The following RERE variants were observed in gnomAD, a reference collection of about 807,000 sequenced individuals.
RERE encodes the protein arginine-glutamic acid dipeptide repeats, also known as arginine-glutamic acid dipeptide repeats protein.
A neutral mutation model predicts 146.1 loss-of-function variants in RERE; 40 were observed. That is an observed-to-expected ratio of 0.27 (90% confidence interval 0.21 to 0.36). The LOEUF is 0.36. RERE is among the 10% of genes least tolerant of loss of function. The probability of loss-of-function intolerance (pLI) is 1.00; values close to 1 mark genes in which losing one functional copy is unlikely to be tolerated. For synonymous variants in RERE, 1,003 were observed against 866.0 expected (o/e 1.16, Z -2.78); for missense variants, 1,933 against 2,138.7 (o/e 0.90, Z 1.90).
intron 12 of RERE, among the ~76,000 whole-genome samples, chr1:8,402,275 G>A (rs1643288538): frequency 6.6e-6 from 1 of 152,198 alleles, no homozygotes; most frequent in African/African-American, 2.4e-5. Context: ...AGGTACGCCA[G>A]GTTTCCATCC....
intron 11 of RERE, among the ~76,000 whole-genome samples, chr1:8,462,831 C>G (rs1037570328): frequency 6.6e-6 from 1 of 152,110 alleles, no homozygotes; most frequent in African/African-American, 2.4e-5. Context: ...TTGAGCCCAA[C>G]AGTTTGAGTC....
chr1:8,669,189 A>C (rs1286420473), intron 1 of RERE, among the ~76,000 whole-genome samples: 1 of 151,210 alleles, frequency 6.6e-6, no homozygotes, highest in Non-Finnish European at 1.5e-5. Context: ...ACCCCCCCCA[A>C]CTCGGCCTCT....
intron 4 of RERE, among the ~76,000 whole-genome samples, chr1:8,563,414 C>T (rs1031529288): frequency 5.3e-5 from 8 of 152,286 alleles, no homozygotes; most frequent in African/African-American, 1.7e-4. Context: ...AATTCACCTA[C>T]GATACAGAGG....
intron 4 of RERE, among the ~76,000 whole-genome samples, chr1:8,580,362 T>C (rs1251816244): frequency 3.3e-5 from 5 of 152,258 alleles, no homozygotes; most frequent in African/African-American, 9.6e-5. Flanking sequence ...ACTGGAACTC[T>C]GAACGTGCTA....
At chr1:8,789,633 C>T (rs1156350616) in intron 1 of RERE, among the ~76,000 whole-genome samples, 1 of 152,136 alleles carries the variant, frequency 6.6e-6, no homozygotes, top group African/African-American at 2.4e-5. Context: ...CAGGTGCCAA[C>T]AGACACTCCG....
intron 1 of RERE, among the ~76,000 whole-genome samples, chr1:8,783,894 G>A (rs990883635): frequency 2.6e-5 from 4 of 152,088 alleles, no homozygotes; most frequent in Non-Finnish European, 5.9e-5. Flanking sequence ...AGTTCCTGGG[G>A]ACTGCCACCA....
chr1:8,742,390 C>T (rs567462404), intron 1 of RERE, among the ~76,000 whole-genome samples: 8 of 152,240 alleles, frequency 5.3e-5, no homozygotes, highest in East Asian at 3.9e-4. Flanking sequence ...AGAGCTGAAT[C>T]GGTATATAAA....
rs1641223069 is a variant in RERE at position 8,784,369 on chromosome 1, T to C, written c.-145+32791A>G. Among the ~76,000 whole-genome samples, 4 of 152,322 alleles carry C rather than the reference T, an allele frequency of 2.6e-5. No homozygotes were observed. The South Asian group carries it at 8.3e-4, about 32-fold the overall frequency. ...CTATTTTTTTCCACAGCATTTATCA[T>C]ACTCTAATATACTACATAACATTCT... On this transcript the variant is annotated intron_variant, in intron 1 of 22. Coordinates refer to ENST00000400908, the MANE Select transcript of RERE (RefSeq NM_001042681.2).
In RERE at chr1:8,383,155, C is replaced by A. The variant is rs971801376; in HGVS notation, c.1285-17181G>T. 1.4e-4 allele frequency among the ~76,000 whole-genome samples: 21 copies of A among 151,652 alleles called. 1 individual carries two copies. The highest frequency in any genetic ancestry group is 1.2e-3 in the Admixed American group (19 of 15,218). On this transcript the variant is annotated intron_variant, in intron 12 of 22. Transcript: ENST00000400908. ...TGGTGAATGGTAATGGTGTCTGGGC[C>A]TAGTTCACAATCTGAAAGATAAGCG... is the stretch of plus-strand genomic sequence containing the variant.
intron 1 of RERE, among the ~76,000 whole-genome samples, chr1:8,673,618 T>C (rs951978249): frequency 2.6e-5 from 4 of 152,208 alleles, no homozygotes; most frequent in Admixed American, 6.5e-5. Flanking sequence ...TGTCAAGATC[T>C]TGGAAAGAAG....
chr1:8,569,218 T>C (rs984744577), intron 4 of RERE, among the ~76,000 whole-genome samples: 9 of 142,714 alleles, frequency 6.3e-5, no homozygotes, highest in Middle Eastern at 3.8e-3. Context: ...CCTTAATCCC[T>C]ACTAAAGCTT....
chr1:8,459,338 T>G (rs1644494785), intron 11 of RERE, among the ~76,000 whole-genome samples: 1 of 152,240 alleles, frequency 6.6e-6, no homozygotes, highest in African/African-American at 2.4e-5. Context: ...TCTCTTATTT[T>G]TCCTACTCTC....
intron 12 of RERE, among the ~76,000 whole-genome samples, chr1:8,389,294 C>G (rs1026430162): frequency 6.6e-6 from 1 of 152,212 alleles, no homozygotes; most frequent in Non-Finnish European, 1.5e-5. Context: ...TCAACCCACT[C>G]TCATGTCTGT....
At chr1:8,598,958 G>C (rs1181355488) in intron 4 of RERE, among the ~76,000 whole-genome samples, 1 of 152,226 alleles carries the variant, frequency 6.6e-6, no homozygotes, top group Non-Finnish European at 1.5e-5. Flanking sequence ...TCCTTAGACA[G>C]AAGGCAGAAG....
At chr1:8,584,900 C>G (rs968723977) in intron 4 of RERE, among the ~76,000 whole-genome samples, 1 of 152,096 alleles carries the variant, frequency 6.6e-6, no homozygotes, top group Non-Finnish European at 1.5e-5. Flanking sequence ...GTAATCCCAG[C>G]ACTTAAGGAG....
intron 1 of RERE, among the ~76,000 whole-genome samples, chr1:8,666,094 C>G (rs752181355): frequency 2.0e-5 from 3 of 152,088 alleles, no homozygotes; most frequent in Non-Finnish European, 4.4e-5. Flanking sequence ...AATGACATGG[C>G]CTTAAAAGCC....
At chr1:8,684,522 G>A (rs865979707) in intron 1 of RERE, among the ~76,000 whole-genome samples, 4 of 152,030 alleles carry the variant, frequency 2.6e-5, no homozygotes, top group Admixed American at 6.5e-5. Flanking sequence ...ATCAGACACA[G>A]GAAAAGGGGG....
At chr1:8,743,766 A>G (rs1488756783) in intron 1 of RERE, among the ~76,000 whole-genome samples, 1 of 151,978 alleles carries the variant, frequency 6.6e-6, no homozygotes, top group Non-Finnish European at 1.5e-5. Flanking sequence ...ATTTGCTAAA[A>G]TGTCACCTTT....
chr1:8,376,209 C>T (rs924340392), intron 12 of RERE, among the ~76,000 whole-genome samples: 1 of 152,176 alleles, frequency 6.6e-6, no homozygotes, highest in African/African-American at 2.4e-5. Context: ...TATCTTTGAT[C>T]TCTGGAATCT....
Sources: allele counts gnomAD v4.1 joint callset (sites outside exome capture counted in the v4.1 genomes callset), GRCh38; gene constraint gnomAD v4.1.1; transcripts MANE v1.5; gene names NCBI Gene and HGNC (gene_info 2026-07-23, HGNC 2026-07-21).